The following NUP153 variants were observed in gnomAD, a reference collection of about 807,000 sequenced individuals.
NUP153 encodes nucleoporin 153.
NUP153 carries 27 observed loss-of-function variants against 134.6 expected under a neutral mutation model. The observed-to-expected ratio is 0.20, with a 90% confidence interval of 0.15 to 0.28. NUP153 has a LOEUF of 0.28. Ranked by LOEUF, NUP153 falls within the 10% of genes least tolerant of loss-of-function variation. NUP153 has a pLI of 1.00. For missense variants in NUP153, 1,821 were observed against 1,731.3 expected (o/e 1.05, Z -0.92); for synonymous variants, 640 against 623.5 (o/e 1.03, Z -0.40).
intron 2 of NUP153, among the ~76,000 whole-genome samples, chr6:17,686,297 C>A (rs550109027): frequency 6.6e-6 from 1 of 151,938 alleles, no homozygotes; most frequent in Non-Finnish European, 1.5e-5. Context: ...GTATCCAGTG[C>A]GACAAGATGT....
chr6:17,642,564 G>A (rs1765890970), intron 14 of NUP153, among the ~76,000 whole-genome samples: 1 of 152,178 alleles, frequency 6.6e-6, no homozygotes, highest in Non-Finnish European at 1.5e-5. Flanking sequence ...ACTAAGTGTT[G>A]GTGAAGTTGT....
chr6:17,637,981 G>A (rs1450238277), intron 15 of NUP153, among the ~76,000 whole-genome samples: 2 of 152,122 alleles, frequency 1.3e-5, no homozygotes, highest in Admixed American at 1.3e-4. Flanking sequence ...TACAAAAGAT[G>A]TTTTGTTTAC....
At position 17,706,444 on chromosome 6, in the gene NUP153, G is replaced by A. The variant is rs748384875; in HGVS notation, c.-57C>T. 4.2e-6 allele frequency: 6 copies of A among 1,420,506 alleles called. No individual in the cohort carries two copies. Among genetic ancestry groups the A allele is most frequent in the Non-Finnish European group, 5.9e-6 (6 of 1,021,930 alleles). 88.0% of individuals were successfully genotyped at this position (1,420,506 alleles called of 1,614,324 possible). ...CGGGTAAGGGGGCGGGAGAGGCAGA[G>A]GCGGAGGCCTTAGAGAGCCTCCCCC... On this transcript the variant is annotated 5_prime_UTR_variant, in exon 1 of 22. Coordinates refer to ENST00000262077, the MANE Select transcript of NUP153 (RefSeq NM_005124.4). This position sits in a 1 kb window ranked among gnomAD's most constrained non-coding sequence, Gnocchi z 5.9.
At chr6:17,694,935 C>T (rs1018501620) in intron 1 of NUP153, among the ~76,000 whole-genome samples, 2 of 151,584 alleles carry the variant, frequency 1.3e-5, no homozygotes, top group African/African-American at 4.9e-5. Context: ...GCAGAGTTCA[C>T]GCCACTGCAC....
intron 17 of NUP153, among the ~76,000 whole-genome samples, chr6:17,631,497 TACCCCCC>T (rs1765252256): frequency 1.3e-5 from 2 of 152,226 alleles, no homozygotes; most frequent in Admixed American, 6.5e-5. Flanking sequence ...TCTCATCATC[TACCCCCC>T]ATCCCATCCT....
intron 1 of NUP153, among the ~76,000 whole-genome samples, chr6:17,702,235 A>T: frequency 6.6e-6 from 1 of 152,148 alleles, no homozygotes; most frequent in East Asian, 1.9e-4. Context: ...TGGCCGGGCG[A>T]GGTAGCTCAT....
intron 15 of NUP153, among the ~76,000 whole-genome samples, chr6:17,639,202 C>T (rs1217395975): frequency 2.6e-5 from 4 of 151,932 alleles, no homozygotes; most frequent in African/African-American, 4.8e-5. Context: ...CTCAGCCTCC[C>T]GAGTAGCTGG....
At position 17,637,764 on chromosome 6, in the gene NUP153, G is replaced by A; in HGVS notation, c.1853C>T (p.Ala618Val). ...VLDILKSPGF[A>V]SPKIDSVAAQ... ...AGCAACAGAATCTATCTTCGGCGAT[G>A]CGAAACCTACAATGAACGAAGGAGA... Residue 618 changes from alanine to valine, a missense_variant, in exon 16 of 22, where the codon GCA (alanine) becomes GTA (valine). Coordinates refer to ENST00000262077, the MANE Select transcript of NUP153 (RefSeq NM_005124.4). 2 of 1,596,240 alleles carry A rather than the reference G, an allele frequency of 1.3e-6. No homozygotes were observed. Among genetic ancestry groups the A allele is most frequent in the Non-Finnish European group, 1.7e-6 (2 of 1,176,540 alleles).
rs1374459889 is a variant in NUP153, at chr6:17,656,461, G to A, written c.1395+5192C>T. ...TATTTGTTATTTTTTTAAAGACAGA[G>A]TCTCCCCAGCTGGGGTGATCCTCCC... On this transcript the variant is annotated intron_variant, in intron 11 of 21. Coordinates refer to ENST00000262077, the MANE Select transcript of NUP153 (RefSeq NM_005124.4). 2.0e-5 allele frequency among the ~76,000 whole-genome samples: 3 copies of A among 152,076 alleles called. No homozygotes were observed. In the East Asian group the frequency reaches 5.8e-4, roughly 29 times the overall value.
intron 20 of NUP153, among the ~76,000 whole-genome samples, chr6:17,622,692 T>TTA (rs1554135868): frequency 2.3e-5 from 3 of 127,928 alleles, no homozygotes; most frequent in Admixed American, 8.5e-5. Context: ...GCTCTTTACA[T>TTA]AAAAAAAAAA....
At chr6:17,616,770 G>T in intron 20 of NUP153, 75 bp from the exon 21 acceptor site, 1 of 1,430,070 alleles carries the variant, frequency 7.0e-7, no homozygotes, top group Non-Finnish European at 9.7e-7. Context: ...TGTTTTTTGA[G>T]ACGGAGTCTC....
At chr6:17,661,591 TACC>T (rs1281347031) in intron 11 of NUP153, 59 bp downstream of exon 11, 5 of 1,538,404 alleles carry the variant, frequency 3.3e-6, no homozygotes, top group East Asian at 4.7e-5. Flanking sequence ...GGTCTCCCCT[TACC>T]ACCACCACAC....
chr6:17,661,610 C>G, intron 11 of NUP153, 43 bp downstream of exon 11: 2 of 1,580,194 alleles, frequency 1.3e-6, no homozygotes, highest in African/African-American at 1.4e-5. Flanking sequence ...CACACCAATG[C>G]TTTTTAAATA....
At position 17,688,636 on chromosome 6, in the gene NUP153, A is replaced by C; in HGVS notation, c.112-18T>G. 1.3e-6 allele frequency: 2 copies of C among 1,562,356 alleles called. No homozygotes were observed. The highest frequency in any genetic ancestry group is 1.8e-6 in the Non-Finnish European group (2 of 1,139,460). Reference sequence around the variant, plus strand: ...AGAATGCCCTGTTGAGAGAAAAAACATATTATGACAGTTTTAGAAATTTAT... The same window carrying C: ...AGAATGCCCTGTTGAGAGAAAAAACCTATTATGACAGTTTTAGAAATTTAT... On this transcript the variant is annotated intron_variant, in intron 1 of 21. Coordinates refer to ENST00000262077, the MANE Select transcript of NUP153 (RefSeq NM_005124.4).
At chr6:17,681,672 TAATA>T (rs1472938622) in intron 2 of NUP153, among the ~76,000 whole-genome samples, 1 of 152,192 alleles carries the variant, frequency 6.6e-6, no homozygotes, top group East Asian at 1.9e-4. Context: ...CATTTACACA[TAATA>T]AATATTTCAA....
intron 1 of NUP153, among the ~76,000 whole-genome samples, chr6:17,696,862 C>A (rs56304086): frequency 0.012 from 1,881 of 152,172 alleles, 40 homozygotes; most frequent in African/African-American, 0.042. Context: ...CACTTGAGGT[C>A]AGGAGTTTGA....
At chr6:17,623,353 T>C (rs1007073009) in intron 20 of NUP153, among the ~76,000 whole-genome samples, 1 of 25,956 alleles carries the variant, frequency 3.9e-5, no homozygotes, top group African/African-American at 1.4e-4. Flanking sequence ...AACTGAAAAA[T>C]GGCCAAAAAA....
chr6:17,650,577 C>A (rs372095851), intron 11 of NUP153, among the ~76,000 whole-genome samples: 22 of 152,070 alleles, frequency 1.4e-4, no homozygotes, highest in African/African-American at 5.1e-4. Context: ...GCAAATAAAT[C>A]ACAGCTCAAT....
At position 17,706,422 on chromosome 6, in the gene NUP153, G is replaced by T; in HGVS notation, c.-35C>A. On this transcript the variant is annotated 5_prime_UTR_variant, in exon 1 of 22. Coordinates refer to ENST00000262077, the MANE Select transcript of NUP153 (RefSeq NM_005124.4). This position sits in a 1 kb window ranked among gnomAD's most constrained non-coding sequence, Gnocchi z 5.9. ...TCCGCCGCTTCCCGCTCCGGGGCGG[G>T]TAAGGGGGCGGGAGAGGCAGAGGCG... 1 of 1,559,760 alleles carries T rather than the reference G, an allele frequency of 6.4e-7. No homozygotes were observed. Among genetic ancestry groups the T allele is most frequent in the Non-Finnish European group, 8.8e-7 (1 of 1,138,466 alleles).
Sources: allele counts gnomAD v4.1 joint callset (sites outside exome capture counted in the v4.1 genomes callset), GRCh38; gene constraint gnomAD v4.1.1; non-coding constraint Gnocchi (gnomAD v3.1); transcripts MANE v1.5; gene names NCBI Gene and HGNC (gene_info 2026-07-23, HGNC 2026-07-21).